Variants in PTPRM observed in about 807,000 individuals in gnomAD.
PTPRM encodes protein tyrosine phosphatase receptor type M, also known as receptor-type tyrosine-protein phosphatase mu.
In PTPRM, 47 loss-of-function variants were observed where a neutral mutation model predicts 186.7. The observed-to-expected ratio is 0.25, with a 90% CI of 0.20 to 0.32. The LOEUF (loss-of-function observed/expected upper bound fraction) is 0.32. Ranked by LOEUF, PTPRM falls within the 10% of genes least tolerant of loss-of-function variation. The pLI is 1.00. For synonymous variants in PTPRM, 668 were observed against 674.9 expected (o/e 0.99, Z 0.16); for missense variants, 1,494 against 1,865.0 (o/e 0.80, Z 3.66).
chr18:7,770,392 T>C (rs1342336383), intron 1 of PTPRM, among the ~76,000 whole-genome samples: 4 of 152,218 alleles, frequency 2.6e-5, no homozygotes, highest in African/African-American at 4.8e-5. Context: ...GTGCAAGTTT[T>C]CAATTATATA....
intron 13 of PTPRM, among the ~76,000 whole-genome samples, chr18:8,116,495 T>G (rs1349083859): frequency 6.6e-6 from 1 of 152,208 alleles, no homozygotes; most frequent in Non-Finnish European, 1.5e-5. Context: ...CTAGCCCCAG[T>G]GTTTCTTTCA....
intron 11 of PTPRM, among the ~76,000 whole-genome samples, chr18:8,096,736 T>A (rs7229328): frequency 8.5e-4 from 129 of 152,342 alleles, no homozygotes; most frequent in African/African-American, 2.7e-3. Context: ...GTTTAAGGGA[T>A]GAACTTCTAG....
Position 7,567,663 on chromosome 18 carries a change from G to A in PTPRM, c.-156G>A. The A allele has an allele frequency of 1.7e-6, 1 of 601,950 alleles. No individual in the cohort carries two copies. The allele number at this position is 601,950 out of a possible 1,614,324, so 37.3% of individuals were successfully genotyped here. On this transcript the variant is annotated 5_prime_UTR_variant, in exon 1 of 33. Transcript: ENST00000580170. The surrounding 1 kb of genome is among the most constrained non-coding windows in gnomAD (Gnocchi z 4.3). ...CGCGCCCCTGGAGCCGCTGGAGTTC[G>A]GACTTCTGCAACTGTTGGCACTTTG...
chr18:7,626,605 A>AGGTTG (rs2038068264), intron 1 of PTPRM, among the ~76,000 whole-genome samples: 2 of 152,124 alleles, frequency 1.3e-5, no homozygotes, highest in Admixed American at 6.5e-5. Flanking sequence ...GTTAGCAGTG[A>AGGTTG]GGTTGTCCTG....
At chr18:8,253,037 G>A (rs1033917464) in intron 18 of PTPRM, among the ~76,000 whole-genome samples, 190 bp from the exon 19 acceptor site, 2 of 152,246 alleles carry the variant, frequency 1.3e-5, no homozygotes, top group East Asian at 1.9e-4. Context: ...AGATTTCTGC[G>A]CATTCTTATC....
intron 6 of PTPRM, among the ~76,000 whole-genome samples, chr18:7,949,743 C>T (rs2052806776): frequency 6.6e-6 from 1 of 151,926 alleles, no homozygotes; most frequent in Admixed American, 6.6e-5. Flanking sequence ...TAAAATGAAG[C>T]AGTGTCAGTA....
intron 13 of PTPRM, among the ~76,000 whole-genome samples, chr18:8,141,257 A>G (rs1600799276): frequency 6.6e-6 from 1 of 152,154 alleles, no homozygotes; most frequent in Non-Finnish European, 1.5e-5. Flanking sequence ...AAACCCAAAC[A>G]CCCGACTCAA....
intron 22 of PTPRM, among the ~76,000 whole-genome samples, chr18:8,332,111 T>A (rs2148167650): frequency 6.6e-6 from 1 of 152,342 alleles, no homozygotes. Context: ...AGGAAGAAAA[T>A]GGCTATTGAT....
intron 11 of PTPRM, among the ~76,000 whole-genome samples, chr18:8,107,517 G>A (rs1336001393): frequency 6.6e-6 from 1 of 152,174 alleles, no homozygotes; most frequent in African/African-American, 2.4e-5. Flanking sequence ...TAGCAGAGCA[G>A]CAGGGTATTG....
At chr18:7,982,153 A>T (rs918617291) in intron 7 of PTPRM, among the ~76,000 whole-genome samples, 3 of 152,184 alleles carry the variant, frequency 2.0e-5, no homozygotes, top group Admixed American at 2.0e-4. Flanking sequence ...AAACGTTTCA[A>T]TGCATTTTTC....
At chr18:7,851,203 G>A (rs2046841903) in intron 2 of PTPRM, among the ~76,000 whole-genome samples, 1 of 152,156 alleles carries the variant, frequency 6.6e-6, no homozygotes, top group African/African-American at 2.4e-5. Flanking sequence ...ACACCAGAAA[G>A]AATGTACAAG....
At chr18:7,869,943 T>C (rs1365187680) in intron 2 of PTPRM, among the ~76,000 whole-genome samples, 1 of 152,124 alleles carries the variant, frequency 6.6e-6, no homozygotes, top group Non-Finnish European at 1.5e-5. Flanking sequence ...AGGCTAGAGA[T>C]TGGGCCATAT....
chr18:7,672,460 T>C (rs936450953), intron 1 of PTPRM, among the ~76,000 whole-genome samples: 5 of 152,174 alleles, frequency 3.3e-5, no homozygotes, highest in Non-Finnish European at 7.4e-5. Context: ...TTTTACTCAA[T>C]TTTTATACCT....
At chr18:7,822,003 A>G (rs938939212) in intron 2 of PTPRM, among the ~76,000 whole-genome samples, 27 of 152,228 alleles carry the variant, frequency 1.8e-4, no homozygotes, top group Non-Finnish European at 3.8e-4. Flanking sequence ...AAAGCAGCAG[A>G]TGAGGGAGGA....
intron 7 of PTPRM, among the ~76,000 whole-genome samples, chr18:7,964,355 T>C (rs1394578762): frequency 6.6e-6 from 1 of 152,208 alleles, no homozygotes; most frequent in African/African-American, 2.4e-5. Context: ...GGTGGGTGAA[T>C]GTTGGTTCTG....
chr18:8,031,837 A>G lies in PTPRM; in HGVS notation c.1133-37849A>G, dbSNP rs2085995549. Among the ~76,000 whole-genome samples, 3 of 152,198 alleles carry G rather than the reference A, an allele frequency of 2.0e-5. 1 individual carries two copies. The South Asian group carries it at 6.2e-4, about 32-fold the overall frequency. On this transcript the variant is annotated intron_variant, in intron 7 of 32. Transcript: ENST00000580170. ...GCTTGGCCTCATTCAGGAGTTGGTG[A>G]AAATGATGAAGGCCTGAGTTAGCCA...
intron 7 of PTPRM, among the ~76,000 whole-genome samples, chr18:7,984,866 A>G (rs1000130400): frequency 7.5e-6 from 1 of 133,402 alleles, no homozygotes; most frequent in Admixed American, 7.9e-5. Flanking sequence ...CACATATATA[A>G]ATATATACAT....
At chr18:8,300,288 G>C (rs1415265261) in intron 20 of PTPRM, among the ~76,000 whole-genome samples, 2 of 152,162 alleles carry the variant, frequency 1.3e-5, no homozygotes, top group Non-Finnish European at 2.9e-5. Flanking sequence ...AGGAGGAACA[G>C]TTTGGAGTCC....
chr18:7,904,860 G>GT (rs1312027735), intron 3 of PTPRM, among the ~76,000 whole-genome samples: 4 of 152,202 alleles, frequency 2.6e-5, no homozygotes, highest in Non-Finnish European at 5.9e-5. Context: ...CATTCTGTGT[G>GT]TAAATGGAGG....
Sources: gnomAD v4.1 joint callset for allele counts (sites outside exome capture counted in the v4.1 genomes callset) on GRCh38, gnomAD v4.1.1 for gene constraint, Gnocchi (gnomAD v3.1) non-coding constraint, MANE v1.5 for transcripts, NCBI Gene and HGNC (gene_info 2026-07-23, HGNC 2026-07-21) for gene names.